Variants in ASAP1 observed in about 807,000 individuals in gnomAD.
ASAP1 encodes the protein arf-GAP with SH3 domain, ANK repeat and PH domain-containing protein 1.
Under a neutral mutation model 145.2 loss-of-function variants are expected in ASAP1, and 43 were observed. That is an observed-to-expected ratio of 0.30 (90% CI 0.23 to 0.38). ASAP1 has a LOEUF of 0.38. ASAP1 is among the 10% of genes least tolerant of loss of function. ASAP1 has a pLI of 1.00. For synonymous variants in ASAP1, 546 were observed against 515.5 expected, an observed-to-expected ratio of 1.06 and a Z score of -0.80; for missense variants, 1,018 against 1,355.3, an observed-to-expected ratio of 0.75 and a Z score of 3.91.
chr8:130,291,104 C>T (rs147576242), intron 3 of ASAP1, among the ~76,000 whole-genome samples: 2 of 152,248 alleles, frequency 1.3e-5, no homozygotes, highest in East Asian at 3.9e-4. Context: ...AATGAATCTG[C>T]TCAGATTCTT....
At chr8:130,378,450 C>A (rs941434786) in intron 2 of ASAP1, among the ~76,000 whole-genome samples, 5 of 152,186 alleles carry the variant, frequency 3.3e-5, no homozygotes, top group Admixed American at 6.5e-5. Context: ...AAGGATGGTC[C>A]AGGCACGAGT....
At chr8:130,083,610 G>C (rs1210220010) in intron 25 of ASAP1, 1 of 152,152 alleles carries the variant, frequency 6.6e-6, no homozygotes, top group Non-Finnish European at 1.5e-5. Context: ...AGATGGGCAT[G>C]AGTATTAAAG....
chr8:130,271,710 G>C (rs773826626), intron 3 of ASAP1, among the ~76,000 whole-genome samples: 13 of 152,102 alleles, frequency 8.5e-5, no homozygotes, highest in Non-Finnish European at 1.6e-4. Flanking sequence ...AACTAAACTT[G>C]CTTTCATTAC....
chr8:130,070,039 CT>C (rs906972146), intron 27 of ASAP1, among the ~76,000 whole-genome samples: 46 of 151,644 alleles, frequency 3.0e-4, no homozygotes, highest in African/African-American at 9.9e-4. Context: ...GACTGCATCT[CT>C]TTTTTTTTGT....
chr8:130,199,433 T>A (rs6415510), intron 5 of ASAP1, among the ~76,000 whole-genome samples: 105,932 of 152,082 alleles, frequency 0.7, 36,942 homozygotes, highest in South Asian at 0.79. Context: ...GGGAAGGGGC[T>A]AGATTCAGGA....
At chr8:130,391,928 G>A (rs764276256) in intron 2 of ASAP1, among the ~76,000 whole-genome samples, 11 of 152,180 alleles carry the variant, frequency 7.2e-5, no homozygotes, top group African/African-American at 1.7e-4. Flanking sequence ...TCACCCTGTG[G>A]GTTCTGATTC....
intron 11 of ASAP1, among the ~76,000 whole-genome samples, chr8:130,160,552 TG>T (rs2097667036): frequency 6.6e-6 from 1 of 152,224 alleles, no homozygotes; most frequent in Non-Finnish European, 1.5e-5. Flanking sequence ...AGTGTTATGA[TG>T]TCGTGGAGGG....
chr8:130,111,837 C>T (rs891387120), intron 24 of ASAP1, among the ~76,000 whole-genome samples: 3 of 152,068 alleles, frequency 2.0e-5, no homozygotes, highest in African/African-American at 7.3e-5. Flanking sequence ...AAAATGGGCA[C>T]AAAAGCACAT....
intron 28 of ASAP1, 126 bp from the exon 29 acceptor site, chr8:130,058,202 C>A (rs548581424): frequency 1.9e-6 from 2 of 1,032,630 alleles, no homozygotes; most frequent in Admixed American, 4.0e-5. Context: ...TTTCCTCACC[C>A]TTGAAGGGCG....
At chr8:130,429,780 G>A (rs750568266) in intron 1 of ASAP1, among the ~76,000 whole-genome samples, 20 of 152,122 alleles carry the variant, frequency 1.3e-4, no homozygotes, top group Non-Finnish European at 2.5e-4. Context: ...ACACACACAC[G>A]TTCTGTCCAT....
intron 3 of ASAP1, among the ~76,000 whole-genome samples, chr8:130,243,466 G>A (rs1400572013): frequency 6.6e-6 from 1 of 152,142 alleles, no homozygotes; most frequent in Non-Finnish European, 1.5e-5. Context: ...TTTGGAGGAA[G>A]AAAGGAAAGA....
At chr8:130,191,928 T>C (rs957719407) in intron 5 of ASAP1, among the ~76,000 whole-genome samples, 37 of 152,154 alleles carry the variant, frequency 2.4e-4, no homozygotes, top group African/African-American at 8.9e-4. Context: ...CTTAGGCTTC[T>C]TGAAATTCTC....
At chr8:130,417,063 T>C (rs1829504806) in intron 1 of ASAP1, among the ~76,000 whole-genome samples, 1 of 150,830 alleles carries the variant, frequency 6.6e-6, no homozygotes. Flanking sequence ...CATACACACA[T>C]ACACACATGC....
chr8:130,345,662 G>C (rs999905981), intron 3 of ASAP1, among the ~76,000 whole-genome samples: 2 of 152,170 alleles, frequency 1.3e-5, no homozygotes, highest in African/African-American at 4.8e-5. Context: ...AACAGCCTAT[G>C]TAAAGTACTC....
chr8:130,155,201 A>ACG (rs2135979757), intron 12 of ASAP1, among the ~76,000 whole-genome samples: 1 of 152,212 alleles, frequency 6.6e-6, no homozygotes, highest in South Asian at 2.1e-4. Context: ...ATACACACAC[A>ACG]CGCGCGCACA....
At chr8:130,128,399 C>T (rs550366980) in intron 15 of ASAP1, among the ~76,000 whole-genome samples, 4 of 151,870 alleles carry the variant, frequency 2.6e-5, no homozygotes, top group African/African-American at 7.2e-5. Context: ...ACTGCATTTC[C>T]GTGTGGGCAT....
intron 15 of ASAP1, among the ~76,000 whole-genome samples, chr8:130,131,347 C>T (rs564483386): frequency 2.1e-4 from 32 of 152,004 alleles, no homozygotes; most frequent in Non-Finnish European, 2.9e-4. Flanking sequence ...GTGAAACTGC[C>T]TCTATGTAAC....
Position 130,327,737 on chromosome 8 carries a change from TAGTA to T in ASAP1, c.186+30276_186+30279del, listed in dbSNP as rs756215201. ...AAATCCACAGAAACAGAAAGTAGCT[TAGTA>T]AAGGATTTGGAGGAAAATGAGGAGT... On this transcript the variant is annotated intron_variant, in intron 3 of 29. Transcript: ENST00000518721. 2.0e-5 allele frequency among the ~76,000 whole-genome samples: 3 copies of T among 152,238 alleles called. No individual in the cohort carries two copies. The South Asian group carries it at 6.2e-4, about 32-fold the overall frequency.
chr8:130,088,049 C>T (rs571267976), intron 25 of ASAP1, among the ~76,000 whole-genome samples: 1 of 152,204 alleles, frequency 6.6e-6, no homozygotes, highest in East Asian at 1.9e-4. Flanking sequence ...GTTATCGAGT[C>T]CTGATCCCTG....
Sources: allele counts gnomAD v4.1 joint callset (sites outside exome capture counted in the v4.1 genomes callset), GRCh38; gene constraint gnomAD v4.1.1; transcripts MANE v1.5; gene names NCBI Gene and HGNC (gene_info 2026-07-23, HGNC 2026-07-21).